The following NELL1 variants were observed in gnomAD, a reference collection of about 807,000 sequenced individuals.
NELL1 encodes neural EGFL like 1.
Under a neutral mutation model 107.4 loss-of-function variants are expected in NELL1, and 76 were observed. That is an observed-to-expected ratio of 0.71 (90% CI 0.59 to 0.86). The LOEUF (loss-of-function observed/expected upper bound fraction) is 0.86. Among genes scored for constraint, NELL1 ranks in the 40% least tolerant of loss-of-function variants. The pLI is 0.00. For missense variants in NELL1, 1,024 were observed against 1,005.5 expected, an observed-to-expected ratio of 1.02 and a Z score of -0.25; for synonymous variants, 353 against 341.2, an observed-to-expected ratio of 1.03 and a Z score of -0.38.
chr11:21,216,340 G>A (rs1046910933), intron 13 of NELL1, among the ~76,000 whole-genome samples: 1 of 152,214 alleles, frequency 6.6e-6, no homozygotes, highest in African/African-American at 2.4e-5. Flanking sequence ...TGTGGGGTTG[G>A]AGCCCCCACA....
At chr11:21,479,853 A>T (rs995295814) in intron 15 of NELL1, among the ~76,000 whole-genome samples, 1 of 152,164 alleles carries the variant, frequency 6.6e-6, no homozygotes, top group South Asian at 2.1e-4. Context: ...TTACAAAGTG[A>T]TAAACTTCAA....
At chr11:21,435,662 T>G (rs972510696) in intron 15 of NELL1, among the ~76,000 whole-genome samples, 2 of 152,192 alleles carry the variant, frequency 1.3e-5, no homozygotes, top group Non-Finnish European at 2.9e-5. Flanking sequence ...TCTTGTATTC[T>G]TGGGATAAAT....
At chr11:21,209,880 A>G (rs1346109441) in intron 13 of NELL1, among the ~76,000 whole-genome samples, 1 of 152,164 alleles carries the variant, frequency 6.6e-6, no homozygotes, top group Admixed American at 6.5e-5. Flanking sequence ...CTCCTTAATA[A>G]TCATTACCCA....
At chr11:21,388,670 T>C (rs967032621) in intron 15 of NELL1, among the ~76,000 whole-genome samples, 3 of 151,894 alleles carry the variant, frequency 2.0e-5, no homozygotes, top group Non-Finnish European at 2.9e-5. Context: ...GCTTTGAACT[T>C]GAAGTAGAAT....
At chr11:21,357,935 G>A (rs1850975635) in intron 14 of NELL1, among the ~76,000 whole-genome samples, 1 of 152,104 alleles carries the variant, frequency 6.6e-6, no homozygotes, top group Non-Finnish European at 1.5e-5. Flanking sequence ...TGTTTGCTTT[G>A]TAGAAGATCA....
chr11:21,531,934 A>G (rs768243920), intron 15 of NELL1, among the ~76,000 whole-genome samples: 4 of 152,290 alleles, frequency 2.6e-5, no homozygotes, highest in Non-Finnish European at 5.9e-5. Flanking sequence ...TTTATATACT[A>G]CTGTGACTAC....
At chr11:21,498,600 A>G (rs962904386) in intron 15 of NELL1, among the ~76,000 whole-genome samples, 1 of 151,902 alleles carries the variant, frequency 6.6e-6, no homozygotes, top group Non-Finnish European at 1.5e-5. Flanking sequence ...TAATACAAAT[A>G]ATGTCTCAAT....
chr11:21,487,492 T>G (rs1220301133), intron 15 of NELL1, among the ~76,000 whole-genome samples: 1 of 151,518 alleles, frequency 6.6e-6, no homozygotes, highest in Non-Finnish European at 1.5e-5. Context: ...TTTACCAACA[T>G]GAAAACTCAT....
At chr11:20,711,700 G>T (rs1855117611) in intron 2 of NELL1, among the ~76,000 whole-genome samples, 1 of 151,988 alleles carries the variant, frequency 6.6e-6, no homozygotes, top group East Asian at 1.9e-4. Flanking sequence ...GGAGACTAAA[G>T]ATAGGACCCC....
intron 14 of NELL1, among the ~76,000 whole-genome samples, chr11:21,362,294 A>G (rs1009938371): frequency 3.9e-5 from 6 of 152,270 alleles, no homozygotes; most frequent in African/African-American, 9.6e-5. Flanking sequence ...CAGAGCTACC[A>G]TGCTCCAGGC....
At chr11:21,168,219 C>T (rs1856526784) in intron 13 of NELL1, among the ~76,000 whole-genome samples, 1 of 151,866 alleles carries the variant, frequency 6.6e-6, no homozygotes, top group Non-Finnish European at 1.5e-5. Context: ...GATAAATGGG[C>T]ATCCAATTTC....
intron 12 of NELL1, among the ~76,000 whole-genome samples, chr11:21,085,840 G>T: frequency 6.6e-6 from 1 of 152,100 alleles, no homozygotes; most frequent in African/African-American, 2.4e-5. Flanking sequence ...TAAATGTAAC[G>T]GGAAAGCAAA....
At chr11:20,726,921 T>C (rs976171221) in intron 2 of NELL1, among the ~76,000 whole-genome samples, 41 of 152,232 alleles carry the variant, frequency 2.7e-4, no homozygotes, top group African/African-American at 9.2e-4. Flanking sequence ...GCAAAGGACA[T>C]GAACTCATCT....
chr11:21,298,884 C>T (rs1849432350), intron 14 of NELL1, among the ~76,000 whole-genome samples: 1 of 151,880 alleles, frequency 6.6e-6, no homozygotes, highest in Non-Finnish European at 1.5e-5. Flanking sequence ...TCACCTTTCC[C>T]CCGAAAAAAG....
At chr11:20,924,939 A>G (rs1355891908) in intron 7 of NELL1, among the ~76,000 whole-genome samples, 1 of 152,234 alleles carries the variant, frequency 6.6e-6, no homozygotes, top group African/African-American at 2.4e-5. Flanking sequence ...AGTTACAGAG[A>G]GTAAAACTTG....
chr11:20,787,148 A>G (rs977848087), intron 3 of NELL1, among the ~76,000 whole-genome samples: 1 of 151,686 alleles, frequency 6.6e-6, no homozygotes, highest in Non-Finnish European at 1.5e-5. Context: ...AGAAGTAGAT[A>G]CTAGATCCCC....
At chr11:21,376,980 T>C (rs570744012) in intron 15 of NELL1, among the ~76,000 whole-genome samples, 6 of 152,210 alleles carry the variant, frequency 3.9e-5, no homozygotes, top group African/African-American at 1.4e-4. Flanking sequence ...TAGGATTGTA[T>C]TGTGCATGGA....
In NELL1 at chr11:21,500,703, G is replaced by T. The variant is rs950923430; in HGVS notation, c.1646-33671G>T. ...CAGTGACATAATACTGTGCTTTTTAGTGTTGATGGAAAGTGTAGTTGAGAG... is the reference window on the plus strand; with the variant it reads ...CAGTGACATAATACTGTGCTTTTTATTGTTGATGGAAAGTGTAGTTGAGAG... On this transcript the variant is annotated intron_variant, in intron 15 of 19. Transcript: ENST00000357134. Among the ~76,000 whole-genome samples the T allele has an allele frequency of 4.0e-4, 61 of 152,166 alleles. 1 individual carries two copies. Among genetic ancestry groups the T allele is most frequent in the Middle Eastern group, 6.8e-3 (2 of 294 alleles).
intron 14 of NELL1, among the ~76,000 whole-genome samples, chr11:21,288,196 A>G (rs1226201169): frequency 2.6e-5 from 4 of 152,206 alleles, no homozygotes; most frequent in South Asian, 2.1e-4. Context: ...AGGAGTAGGG[A>G]ACTGGAAGAG....
Sources: allele counts gnomAD v4.1 joint callset (sites outside exome capture counted in the v4.1 genomes callset), GRCh38; gene constraint gnomAD v4.1.1; transcripts MANE v1.5; gene names NCBI Gene and HGNC (gene_info 2026-07-23, HGNC 2026-07-21).